The following FHIT variants were observed in gnomAD, a reference collection of about 807,000 sequenced individuals.
The protein encoded by FHIT is fragile histidine triad diadenosine triphosphatase.
In FHIT, 19 loss-of-function variants were observed where a neutral mutation model predicts 17.9. That is an observed-to-expected ratio of 1.06 (90% CI 0.74 to 1.56). The LOEUF (loss-of-function observed/expected upper bound fraction) is 1.56, where lower values mean the gene tolerates loss of function less well. FHIT is among the 40% of genes most tolerant of loss of function. The pLI is 0.00. For missense variants in FHIT, 248 were observed against 189.2 expected, an observed-to-expected ratio of 1.31 and a Z score of -1.82; for synonymous variants, 81 against 69.7, an observed-to-expected ratio of 1.16 and a Z score of -0.81.
intron 7 of FHIT, among the ~76,000 whole-genome samples, chr3:59,963,270 A>AAAT (rs200969859): frequency 0.021 from 3,142 of 150,400 alleles, 83 homozygotes; most frequent in African/African-American, 0.055. Context: ...CCATCTCAAA[A>AAAT]AATAATAATA....
intron 3 of FHIT, among the ~76,000 whole-genome samples, chr3:61,003,778 G>A (rs1375371193): frequency 6.6e-6 from 1 of 152,234 alleles, no homozygotes; most frequent in African/African-American, 2.4e-5. Context: ...CTGAAAAGTT[G>A]CAATTGCCCA....
chr3:60,438,057 G>A (rs2030432310), intron 5 of FHIT, among the ~76,000 whole-genome samples: 1 of 152,002 alleles, frequency 6.6e-6, no homozygotes, highest in Non-Finnish European at 1.5e-5. Context: ...GGCAGGATAA[G>A]TAGTCAAGGA....
chr3:60,615,741 G>A (rs1016211594), intron 4 of FHIT, among the ~76,000 whole-genome samples: 1 of 152,174 alleles, frequency 6.6e-6, no homozygotes, highest in African/African-American at 2.4e-5. Flanking sequence ...TCCAGTAGGA[G>A]AAAAAGACAT....
At chr3:60,271,864 T>A (rs1200439964) in intron 5 of FHIT, among the ~76,000 whole-genome samples, 3 of 152,252 alleles carry the variant, frequency 2.0e-5, no homozygotes, top group African/African-American at 7.2e-5. Flanking sequence ...CATGCACTTC[T>A]GAATTGCTGA....
intron 3 of FHIT, among the ~76,000 whole-genome samples, chr3:61,029,181 G>C (rs1296364104): frequency 1.3e-5 from 2 of 152,026 alleles, no homozygotes; most frequent in African/African-American, 4.8e-5. Context: ...GATAAATCAG[G>C]CAATATTACA....
At chr3:61,117,413 C>T (rs1030716003) in intron 2 of FHIT, among the ~76,000 whole-genome samples, 10 of 152,080 alleles carry the variant, frequency 6.6e-5, no homozygotes, top group Admixed American at 5.9e-4. Flanking sequence ...GCAAATGAGC[C>T]ATGAGATACG....
intron 2 of FHIT, among the ~76,000 whole-genome samples, chr3:61,114,362 C>T (rs2036240816): frequency 1.3e-5 from 2 of 152,116 alleles, no homozygotes; most frequent in South Asian, 4.1e-4. Context: ...AACATTTTGT[C>T]TTATTAACAT....
chr3:61,059,428 T>A (rs1003854759), intron 2 of FHIT, among the ~76,000 whole-genome samples: 2 of 137,966 alleles, frequency 1.4e-5, no homozygotes, highest in South Asian at 2.6e-4. Context: ...TGAATACCCA[T>A]AAACTGAAGA....
chr3:61,235,278 G>T (rs746374889), intron 1 of FHIT, among the ~76,000 whole-genome samples: 1 of 152,150 alleles, frequency 6.6e-6, no homozygotes, highest in Non-Finnish European at 1.5e-5. Context: ...GGGTGTCCTT[G>T]AGCCCTTGTT....
chr3:59,995,525 T>A (rs1322106867), intron 7 of FHIT, among the ~76,000 whole-genome samples: 3 of 152,140 alleles, frequency 2.0e-5, no homozygotes, highest in African/African-American at 7.2e-5. Flanking sequence ...ATTGTAAACT[T>A]AACACCAGAG....
intron 5 of FHIT, among the ~76,000 whole-genome samples, chr3:60,448,117 T>A (rs2031470845): frequency 6.6e-6 from 1 of 152,144 alleles, no homozygotes; most frequent in Non-Finnish European, 1.5e-5. Flanking sequence ...GATACTGACC[T>A]CAATTGCTCT....
chr3:60,273,842 TCA>T (rs1192913357), intron 5 of FHIT, among the ~76,000 whole-genome samples: 1 of 152,180 alleles, frequency 6.6e-6, no homozygotes, highest in Admixed American at 6.5e-5. Flanking sequence ...GAAAGAGTTT[TCA>T]CAAATATTTA....
intron 5 of FHIT, among the ~76,000 whole-genome samples, chr3:60,231,030 A>C (rs1283851666): frequency 2.6e-5 from 4 of 152,174 alleles, no homozygotes; most frequent in African/African-American, 9.7e-5. Flanking sequence ...TAACCATTCT[A>C]ATGTGAGCAG....
chr3:60,878,017 C>T (rs1471561705), intron 3 of FHIT, among the ~76,000 whole-genome samples: 3 of 152,234 alleles, frequency 2.0e-5, no homozygotes, highest in East Asian at 1.9e-4. Context: ...TAAGCTGCCA[C>T]TGAACCCTAT....
chr3:60,220,342 C>T (rs1275934178), intron 5 of FHIT, among the ~76,000 whole-genome samples: 3 of 151,952 alleles, frequency 2.0e-5, no homozygotes, highest in Non-Finnish European at 4.4e-5. Flanking sequence ...TCAAGGCCTG[C>T]CTGTCCCCAC....
intron 5 of FHIT, among the ~76,000 whole-genome samples, chr3:60,432,356 G>A (rs191519961): frequency 6.3e-4 from 96 of 152,134 alleles, no homozygotes; most frequent in African/African-American, 1.6e-3. Flanking sequence ...TCCAATAAAT[G>A]AGTGTTGGAC....
chr3:60,903,574 G>A (rs1171608577), intron 3 of FHIT, among the ~76,000 whole-genome samples: 1 of 152,150 alleles, frequency 6.6e-6, no homozygotes, highest in Non-Finnish European at 1.5e-5. Flanking sequence ...AATTAATTTA[G>A]CAACTACATT....
In FHIT at chr3:60,372,036, G is replaced by C. The variant is rs544015630; in HGVS notation, c.103+164824C>G. On this transcript the variant is annotated intron_variant, in intron 5 of 9. Coordinates refer to ENST00000492590, the MANE Select transcript of FHIT (RefSeq NM_002012.4). ...AGCCTGAGCTTATAAACAAGCTGCA[G>C]AGAGAGGCATTTTCATTACATACAT... Among the ~76,000 whole-genome samples, 17 of 152,268 alleles carry C rather than the reference G, an allele frequency of 1.1e-4. No homozygotes were observed. The South Asian group carries it at 3.5e-3, about 32-fold the overall frequency.
At chr3:60,996,812 G>A (rs181770388) in intron 3 of FHIT, among the ~76,000 whole-genome samples, 1 of 152,310 alleles carries the variant, frequency 6.6e-6, no homozygotes, top group East Asian at 1.9e-4. Context: ...ACACCACTAT[G>A]CCTGAAAGTT....
Sources: gnomAD v4.1 joint callset for allele counts (sites outside exome capture counted in the v4.1 genomes callset) on GRCh38, gnomAD v4.1.1 for gene constraint, MANE v1.5 for transcripts, NCBI Gene and HGNC (gene_info 2026-07-23, HGNC 2026-07-21) for gene names.